The following IQCJ variants were observed in gnomAD, a reference collection of about 807,000 sequenced individuals.
The protein encoded by IQCJ is IQ domain-containing protein J.
IQCJ carries 9 observed loss-of-function variants against 11.0 expected under a neutral mutation model. That is an observed-to-expected ratio of 0.82 (90% CI 0.49 to 1.43). IQCJ has a LOEUF of 1.43. Ranked by LOEUF, IQCJ falls within the 40% of genes most tolerant of loss-of-function variation. IQCJ has a pLI of 0.00. For missense variants in IQCJ, 146 were observed against 133.2 expected (o/e 1.10, Z -0.47); for synonymous variants, 55 against 51.3 (o/e 1.07, Z -0.31).
At chr3:159,240,649 T>A (rs1424182421) in intron 1 of IQCJ, among the ~76,000 whole-genome samples, 1 of 152,180 alleles carries the variant, frequency 6.6e-6, no homozygotes, top group Middle Eastern at 3.2e-3. Flanking sequence ...CACCACAACA[T>A]ACATAAAAAG....
intron 1 of IQCJ, among the ~76,000 whole-genome samples, chr3:159,241,883 T>C (rs1399945979): frequency 6.6e-6 from 1 of 151,970 alleles, no homozygotes; most frequent in Non-Finnish European, 1.5e-5. Context: ...CATAAAGAAG[T>C]GAATAAGAGC....
At position 159,245,849 on chromosome 3, in the gene IQCJ, C is replaced by T. The variant is rs577098802; in HGVS notation, c.16C>T (p.Leu6=). Residue 6 remains leucine (L), a synonymous_variant, in exon 2 of 4, where the codon CTG becomes TTG. Transcript: ENST00000397832. MRLEE[L]KRLQNPLEQV... Reference sequence around the variant, plus strand: ...TATCTTCTCTTTTTCACAGGAAGAACTGAAAAGATTGCAGAATCCTCTAGA... The same window carrying T: ...TATCTTCTCTTTTTCACAGGAAGAATTGAAAAGATTGCAGAATCCTCTAGA... The T allele has an allele frequency of 1.8e-5, 28 of 1,545,712 alleles. No homozygotes were observed. The South Asian group carries it at 3.0e-4, about 16-fold the overall frequency.
intron 1 of IQCJ, among the ~76,000 whole-genome samples, chr3:159,079,646 A>G (rs963618819): frequency 6.6e-6 from 1 of 152,138 alleles, no homozygotes; most frequent in African/African-American, 2.4e-5. Context: ...AAAACTCTAA[A>G]GCACTGAATG....
chr3:159,081,097 C>A (rs925990407), intron 1 of IQCJ, among the ~76,000 whole-genome samples: 2 of 152,084 alleles, frequency 1.3e-5, no homozygotes, highest in Non-Finnish European at 2.9e-5. Context: ...TCAGTGATTT[C>A]ATCATGGACT....
chr3:159,254,201 G>T (rs544173226), intron 3 of IQCJ, among the ~76,000 whole-genome samples: 4 of 152,316 alleles, frequency 2.6e-5, no homozygotes, highest in African/African-American at 9.6e-5. Flanking sequence ...AGAAAAGTTG[G>T]TGTATGACAA....
intron 1 of IQCJ, among the ~76,000 whole-genome samples, chr3:159,096,684 G>T (rs1303726153): frequency 3.1e-4 from 1 of 3,262 alleles, no homozygotes; most frequent in African/African-American, 1.3e-3. Context: ...GTAGATATGC[G>T]GCATTATTTC....
At chr3:159,260,037 T>G (rs2108231776) in intron 3 of IQCJ, among the ~76,000 whole-genome samples, 1 of 152,336 alleles carries the variant, frequency 6.6e-6, no homozygotes, top group Admixed American at 6.5e-5. Context: ...GTACTTAATA[T>G]TGTCACCTTA....
chr3:159,265,073 A>G, downstream of IQCJ: 1 of 589,270 alleles, frequency 1.7e-6, no homozygotes, highest in Non-Finnish European at 2.9e-6. Flanking sequence ...ATAAAATATG[A>G]AAATATAAGA....
At chr3:159,204,498 G>C (rs1353898209) in intron 1 of IQCJ, among the ~76,000 whole-genome samples, 1 of 152,192 alleles carries the variant, frequency 6.6e-6, no homozygotes. Flanking sequence ...CTTATGTGGT[G>C]TCTGGCTTCC....
intron 1 of IQCJ, among the ~76,000 whole-genome samples, chr3:159,189,516 G>T (rs1376487518): frequency 1.3e-5 from 2 of 152,138 alleles, no homozygotes; most frequent in East Asian, 3.9e-4. Flanking sequence ...TCTGGCACTA[G>T]AGGGAGATGG....
chr3:159,087,625 C>T (rs1269188645), intron 1 of IQCJ, among the ~76,000 whole-genome samples: 1 of 144,812 alleles, frequency 6.9e-6, no homozygotes, highest in African/African-American at 2.5e-5. Flanking sequence ...AGAGATTCAA[C>T]TTCTTCCTGG....
At chr3:159,238,948 T>A (rs1456463848) in intron 1 of IQCJ, among the ~76,000 whole-genome samples, 1 of 152,136 alleles carries the variant, frequency 6.6e-6, no homozygotes, top group Non-Finnish European at 1.5e-5. Context: ...AGGGAGCTAG[T>A]AGAAAAATGG....
chr3:159,205,832 C>T (rs1460386994), intron 1 of IQCJ, among the ~76,000 whole-genome samples: 2 of 152,164 alleles, frequency 1.3e-5, no homozygotes, highest in Non-Finnish European at 2.9e-5. Context: ...GTTTCTGCTT[C>T]CAAATTATAA....
At chr3:159,126,410 C>T (rs1478157444) in intron 1 of IQCJ, among the ~76,000 whole-genome samples, 1 of 152,200 alleles carries the variant, frequency 6.6e-6, no homozygotes, top group Non-Finnish European at 1.5e-5. Context: ...TCCCAATTTC[C>T]TCTCTCTGGA....
At chr3:159,078,509 A>T (rs962781144) in intron 1 of IQCJ, among the ~76,000 whole-genome samples, 5 of 151,882 alleles carry the variant, frequency 3.3e-5, no homozygotes, top group African/African-American at 1.2e-4. Flanking sequence ...GGAGCTGAAC[A>T]CAGAAGGACT....
chr3:159,102,542 C>T (rs893523916), intron 1 of IQCJ, among the ~76,000 whole-genome samples: 1 of 152,196 alleles, frequency 6.6e-6, no homozygotes, highest in African/African-American at 2.4e-5. Flanking sequence ...CCATACCAAT[C>T]ACATGGGTCT....
chr3:159,265,225 C>A (rs1186661297), downstream of IQCJ: 1 of 1,612,986 alleles, frequency 6.2e-7, no homozygotes, highest in Non-Finnish European at 8.5e-7. Context: ...TTTGCCAGGG[C>A]CCCTGTTGGG....
chr3:159,130,153 T>G (rs1719911154), intron 1 of IQCJ, among the ~76,000 whole-genome samples: 1 of 152,204 alleles, frequency 6.6e-6, no homozygotes, highest in Non-Finnish European at 1.5e-5. Flanking sequence ...ATTTCAAGAA[T>G]GTTATGTAAA....
chr3:159,196,902 A>T (rs1724017355), intron 1 of IQCJ, among the ~76,000 whole-genome samples: 1 of 152,144 alleles, frequency 6.6e-6, no homozygotes, highest in Admixed American at 6.5e-5. Context: ...AGATATCGCC[A>T]TCCATTGCTT....
Sources: gnomAD v4.1 joint callset for allele counts (sites outside exome capture counted in the v4.1 genomes callset) on GRCh38, gnomAD v4.1.1 for gene constraint, MANE v1.5 for transcripts, NCBI Gene and HGNC (gene_info 2026-07-23, HGNC 2026-07-21) for gene names.